Variants in ZSCAN5A observed in about 807,000 individuals in gnomAD.
The protein encoded by ZSCAN5A is zinc finger and SCAN domain-containing protein 5A.
In ZSCAN5A, 12 loss-of-function variants were observed where a neutral mutation model predicts 23.7. That is an observed-to-expected ratio of 0.51 (90% CI 0.32 to 0.82). ZSCAN5A has a LOEUF of 0.82. Among genes scored for constraint, ZSCAN5A ranks in the 40% least tolerant of loss-of-function variants. ZSCAN5A has a pLI of 0.03. For synonymous variants in ZSCAN5A, 257 were observed against 239.9 expected (o/e 1.07, Z -0.66); for missense variants, 597 against 617.9 (o/e 0.97, Z 0.36).
chr19:56,268,289 C>A (rs1347640859), intron 2 of ZSCAN5A, among the ~76,000 whole-genome samples: 15 of 152,162 alleles, frequency 9.9e-5, no homozygotes. Context: ...GCCGAGACCC[C>A]TTGTGTGGGC....
chr19:56,238,047 G>A (rs542916549), intron 2 of ZSCAN5A, among the ~76,000 whole-genome samples: 1 of 1,114 alleles, frequency 9.0e-4, no homozygotes, highest in East Asian at 0.023. Context: ...CAGGAGTCGT[G>A]GCATATGTGT....
At chr19:56,248,701 C>T (rs776804623) in intron 2 of ZSCAN5A, among the ~76,000 whole-genome samples, 17 of 151,876 alleles carry the variant, frequency 1.1e-4, no homozygotes, top group African/African-American at 2.2e-4. Flanking sequence ...CAGAAGTGCT[C>T]GGAGTATACG....
At chr19:56,241,512 A>G (rs903853040) in intron 2 of ZSCAN5A, among the ~76,000 whole-genome samples, 11 of 152,256 alleles carry the variant, frequency 7.2e-5, no homozygotes, top group Admixed American at 1.3e-4. Flanking sequence ...TGTGCTTTGT[A>G]GGATGTGAAC....
intron 2 of ZSCAN5A, among the ~76,000 whole-genome samples, chr19:56,353,699 A>C (rs564666898): frequency 6.6e-6 from 1 of 152,000 alleles, no homozygotes; most frequent in African/African-American, 2.4e-5. Flanking sequence ...GGAGAATGGC[A>C]TGAACCCGGG....
chr19:56,247,080 G>C (rs544911647), intron 2 of ZSCAN5A: 2 of 736,438 alleles, frequency 2.7e-6, no homozygotes, highest in African/African-American at 1.7e-5. Context: ...TGTGCAATAA[G>C]AGGTTTACGT....
chr19:56,222,760 G>C lies in ZSCAN5A; in HGVS notation c.589-19C>G, dbSNP rs756873983. ...CCTCTCCCTGAAGAGGAAAAACCAAGAGTAATGACTGCTGTGTCCAAACTG... is the reference window on the plus strand; with the variant it reads ...CCTCTCCCTGAAGAGGAAAAACCAACAGTAATGACTGCTGTGTCCAAACTG... On this transcript the variant is annotated intron_variant, in intron 4 of 5. Coordinates refer to ENST00000683990, the MANE Select transcript of ZSCAN5A (RefSeq NM_001322064.3). The C allele has an allele frequency of 2.0e-5, 33 of 1,614,018 alleles. No homozygotes were observed. Among genetic ancestry groups the C allele is most frequent in the Non-Finnish European group, 9.3e-6 (11 of 1,180,012 alleles).
At chr19:56,341,227 GAACTAACAAAGCCTCCAAGA>G (rs1457253513) in intron 2 of ZSCAN5A, 1 of 152,054 alleles carries the variant, frequency 6.6e-6, no homozygotes, top group Non-Finnish European at 1.5e-5. Context: ...GAATGAAAAG[GAACTAACAAAGCCTCCAAGA>G]AATATGAGAC....
At chr19:56,260,621 C>T (rs1410096884) in intron 2 of ZSCAN5A, among the ~76,000 whole-genome samples, 6 of 151,760 alleles carry the variant, frequency 4.0e-5, no homozygotes, top group African/African-American at 1.5e-4. Context: ...GGACAAAAAT[C>T]TGCAATTTTA....
intron 2 of ZSCAN5A, among the ~76,000 whole-genome samples, chr19:56,337,571 G>A (rs1041642162): frequency 1.3e-5 from 2 of 152,174 alleles, no homozygotes; most frequent in African/African-American, 4.8e-5. Flanking sequence ...CTCATGCACA[G>A]TGCACTGCAC....
At chr19:56,328,912 G>A (rs1054526157) in intron 2 of ZSCAN5A, among the ~76,000 whole-genome samples, 4 of 149,220 alleles carry the variant, frequency 2.7e-5, no homozygotes, top group East Asian at 2.0e-4. Flanking sequence ...GGAGAATGGC[G>A]TGAACCCAGG....
chr19:56,321,788 A>G lies in ZSCAN5A; in HGVS notation c.-357-5520T>C, dbSNP rs112219101. The G allele has an allele frequency of 2.0e-5, 24 of 1,194,232 alleles. No individual in the cohort carries two copies. The African/African-American group carries it at 2.1e-4, about 10-fold the overall frequency. 74.0% of individuals were successfully genotyped at this position (1,194,232 alleles called of 1,614,324 possible). A position where few individuals can be genotyped will look rare whatever the true frequency, so the allele number is the denominator to read the frequency against. On this transcript the variant is annotated intron_variant, in intron 2 of 6. Coordinates refer to the ZSCAN5A transcript ENST00000587340. ...AACCAAATCATACAGCTTGATTCCT[A>G]CCCAGTAGTAAGGTAACTGCCACCA...
At chr19:56,246,873 G>A in intron 2 of ZSCAN5A, 2 of 1,610,698 alleles carry the variant, frequency 1.2e-6, no homozygotes, top group East Asian at 2.2e-5. Flanking sequence ...CTCTGAATCT[G>A]AGATGTCCCA....
chr19:56,307,361 G>A (rs1381867305), intron 2 of ZSCAN5A, among the ~76,000 whole-genome samples: 1 of 152,122 alleles, frequency 6.6e-6, no homozygotes, highest in Non-Finnish European at 1.5e-5. Context: ...CAACTATGAT[G>A]AGTGTCTTTC....
intron 2 of ZSCAN5A, among the ~76,000 whole-genome samples, chr19:56,247,957 T>A (rs931871407): frequency 6.6e-6 from 1 of 152,236 alleles, no homozygotes; most frequent in Non-Finnish European, 1.5e-5. Flanking sequence ...CCCAAAGTGC[T>A]GGGATTACAG....
chr19:56,334,411 G>A (rs2041516229), intron 2 of ZSCAN5A, among the ~76,000 whole-genome samples: 1 of 151,940 alleles, frequency 6.6e-6, no homozygotes, highest in East Asian at 1.9e-4. Flanking sequence ...TTTTTATTTT[G>A]TTCACTTTTC....
intron 2 of ZSCAN5A, among the ~76,000 whole-genome samples, chr19:56,287,251 C>T (rs989761405): frequency 2.6e-5 from 4 of 152,216 alleles, no homozygotes; most frequent in African/African-American, 4.8e-5. Flanking sequence ...AACTCTCCTC[C>T]GGGGGTTCCC....
rs528252141 is a variant in ZSCAN5A at position 56,314,803 on chromosome 19, C to G, written c.-352G>C. 6.6e-6 allele frequency: 1 copy of G among 152,408 alleles called. No homozygotes were observed. Among genetic ancestry groups the G allele is most frequent in the East Asian group, 1.9e-4 (1 of 5,186 alleles). The allele number at this position is 152,408 out of a possible 1,614,324, so 9.4% of individuals were successfully genotyped here. ...ACCTGGCGAGTGGGGCCGGGGAGAG[C>G]GGGACGCCTGGATCGGGAACTTGTC... On this transcript the variant is annotated 5_prime_UTR_variant, in exon 1 of 6. Coordinates refer to ENST00000683990, the MANE Select transcript of ZSCAN5A (RefSeq NM_001322064.3).
At chr19:56,332,390 G>A (rs967332660) in intron 2 of ZSCAN5A, among the ~76,000 whole-genome samples, 1 of 152,172 alleles carries the variant, frequency 6.6e-6, no homozygotes, top group Non-Finnish European at 1.5e-5. Context: ...TTATTAAATT[G>A]AGGTCTTTAT....
At chr19:56,293,120 G>T (rs74634926) in intron 2 of ZSCAN5A, among the ~76,000 whole-genome samples, 1,963 of 152,250 alleles carry the variant, frequency 0.013, 47 homozygotes, top group African/African-American at 0.045. Flanking sequence ...TTGAGCCTCA[G>T]TGAAACCCAA....
Sources: allele counts gnomAD v4.1 joint callset (sites outside exome capture counted in the v4.1 genomes callset), GRCh38; gene constraint gnomAD v4.1.1; transcripts MANE v1.5; gene names NCBI Gene and HGNC (gene_info 2026-07-23, HGNC 2026-07-21).